The following KLHL1 variants were observed in gnomAD, a reference collection of about 807,000 sequenced individuals.
KLHL1 encodes the protein kelch like family member 1.
KLHL1 carries 47 observed loss-of-function variants against 77.7 expected under a neutral mutation model. The ratio of observed to expected loss-of-function variants is 0.60; its 90% confidence interval spans 0.48 to 0.77. The LOEUF (loss-of-function observed/expected upper bound fraction) is 0.77. Ranked by LOEUF, KLHL1 falls within the 30% of genes least tolerant of loss-of-function variation. The pLI is 0.00. For synonymous variants in KLHL1, 360 were observed against 325.2 expected (o/e 1.11, Z -1.15); for missense variants, 925 against 910.8 (o/e 1.02, Z -0.20).
intron 1 of KLHL1, among the ~76,000 whole-genome samples, chr13:70,106,493 A>G (rs544176710): frequency 6.6e-6 from 1 of 152,340 alleles, no homozygotes; most frequent in South Asian, 2.1e-4. Flanking sequence ...GAAATAAACT[A>G]GAAATAAATA....
chr13:69,825,545 T>C (rs944569535), intron 6 of KLHL1, among the ~76,000 whole-genome samples: 61 of 152,322 alleles, frequency 4.0e-4, no homozygotes, highest in African/African-American at 1.4e-3. Flanking sequence ...ATTTATATTT[T>C]GTATTTTAAT....
intron 2 of KLHL1, among the ~76,000 whole-genome samples, chr13:69,969,625 T>C (rs927130599): frequency 6.6e-6 from 1 of 152,140 alleles, no homozygotes; most frequent in Non-Finnish European, 1.5e-5. Context: ...GTGTAACCTA[T>C]ATTATTCAAT....
chr13:69,965,985 T>C (rs7995348), intron 2 of KLHL1, among the ~76,000 whole-genome samples: 86,393 of 151,952 alleles, frequency 0.57, 25,021 homozygotes, highest in Non-Finnish European at 0.62. Flanking sequence ...CTCCATAACA[T>C]AAAAGTGCAA....
intron 4 of KLHL1, chr13:69,894,008 A>G (rs2138213911): frequency 6.6e-6 from 1 of 152,144 alleles, no homozygotes. Flanking sequence ...TCACTGGGCA[A>G]CTCCCCCAGC....
chr13:70,012,859 C>T (rs55704507), intron 1 of KLHL1, among the ~76,000 whole-genome samples: 1,822 of 151,548 alleles, frequency 0.012, 37 homozygotes, highest in African/African-American at 0.041. Context: ...GGTGAGATCT[C>T]GCCCCTGCAC....
chr13:70,037,448 C>T (rs2137374586), intron 1 of KLHL1, among the ~76,000 whole-genome samples: 1 of 152,090 alleles, frequency 6.6e-6, no homozygotes, highest in East Asian at 1.9e-4. Flanking sequence ...CAGGGTCTTC[C>T]TTCTGTCTTT....
chr13:69,707,906 T>G, intron 9 of KLHL1, 110 bp from the exon 10 acceptor site: 1 of 815,662 alleles, frequency 1.2e-6, no homozygotes, highest in South Asian at 2.3e-5. Context: ...TACCTTTTTT[T>G]TTCTCTAAAG....
chr13:69,817,216 T>C (rs1878156773), intron 6 of KLHL1, among the ~76,000 whole-genome samples: 1 of 152,144 alleles, frequency 6.6e-6, no homozygotes, highest in Admixed American at 6.5e-5. Flanking sequence ...ATATAATATG[T>C]GAATTTTTCT....
At chr13:70,051,077 T>G (rs1886618140) in intron 1 of KLHL1, among the ~76,000 whole-genome samples, 1 of 152,020 alleles carries the variant, frequency 6.6e-6, no homozygotes, top group South Asian at 2.1e-4. Context: ...ATTGGAAATG[T>G]CTAAATCACG....
chr13:69,820,053 A>G (rs1024808862), intron 6 of KLHL1, among the ~76,000 whole-genome samples: 2 of 152,170 alleles, frequency 1.3e-5, no homozygotes, highest in Non-Finnish European at 2.9e-5. Flanking sequence ...CCTTTAGCCA[A>G]ATCAAAAGAG....
intron 1 of KLHL1, among the ~76,000 whole-genome samples, chr13:70,011,402 G>T (rs189614746): frequency 6.6e-6 from 1 of 152,136 alleles, no homozygotes; most frequent in Non-Finnish European, 1.5e-5. Flanking sequence ...GGACCAGATA[G>T]TAACTCATTT....
intron 3 of KLHL1, among the ~76,000 whole-genome samples, chr13:69,953,460 C>T (rs564176224): frequency 6.6e-6 from 1 of 151,000 alleles, no homozygotes; most frequent in Admixed American, 6.6e-5. Flanking sequence ...GAAAAGATGT[C>T]AAAATGTCCA....
At chr13:69,747,601 GA>G (rs757557691) in intron 7 of KLHL1, among the ~76,000 whole-genome samples, 4 of 151,900 alleles carry the variant, frequency 2.6e-5, no homozygotes, top group Non-Finnish European at 5.9e-5. Flanking sequence ...GGAAATTCAT[GA>G]AAGAGAATAT....
Position 69,773,427 on chromosome 13 carries a change from C to T in KLHL1, c.1639+23311G>A, listed in dbSNP as rs148135064. Among the ~76,000 whole-genome samples the T allele has an allele frequency of 9.9e-3, 1,509 of 152,018 alleles. 32 individuals carry two copies. Among genetic ancestry groups the T allele is most frequent in the African/African-American group, 0.034 (1,432 of 41,524 alleles). ...AGAGAATAGAACTTCCTATATTTTTCCTCTATGAGATATAATTGCATATTT... is the reference window on the plus strand; with the variant it reads ...AGAGAATAGAACTTCCTATATTTTTTCTCTATGAGATATAATTGCATATTT... On this transcript the variant is annotated intron_variant, in intron 7 of 10. Transcript: ENST00000377844.
intron 8 of KLHL1, among the ~76,000 whole-genome samples, chr13:69,728,678 T>C (rs114200637): frequency 0.049 from 7,337 of 149,776 alleles, 305 homozygotes; most frequent in African/African-American, 0.12. Context: ...TGTGGTGACG[T>C]ATGCCTGTAA....
At chr13:70,051,380 A>C (rs565817991) in intron 1 of KLHL1, among the ~76,000 whole-genome samples, 15 of 152,172 alleles carry the variant, frequency 9.9e-5, no homozygotes, top group Admixed American at 6.5e-4. Flanking sequence ...TCAGCTTTTC[A>C]GGTTTTACAT....
intron 3 of KLHL1, among the ~76,000 whole-genome samples, chr13:69,956,713 A>G (rs1352187792): frequency 6.6e-6 from 1 of 151,612 alleles, no homozygotes; most frequent in Non-Finnish European, 1.5e-5. Flanking sequence ...TTGATTGGGC[A>G]GCATTAAGAA....
At chr13:69,872,475 G>A (rs1744560934) in intron 5 of KLHL1, among the ~76,000 whole-genome samples, 1 of 152,102 alleles carries the variant, frequency 6.6e-6, no homozygotes, top group Middle Eastern at 3.2e-3. Context: ...TCCACCCTGA[G>A]AGGAGTTATA....
intron 7 of KLHL1, among the ~76,000 whole-genome samples, chr13:69,756,327 A>G (rs552144962): frequency 6.6e-6 from 1 of 152,294 alleles, no homozygotes; most frequent in African/African-American, 2.4e-5. Flanking sequence ...AATGAGTTTG[A>G]AGACTTCTAT....
Sources: gnomAD v4.1 joint callset for allele counts (sites outside exome capture counted in the v4.1 genomes callset) on GRCh38, gnomAD v4.1.1 for gene constraint, MANE v1.5 for transcripts, NCBI Gene and HGNC (gene_info 2026-07-23, HGNC 2026-07-21) for gene names.